TTC7A: variants seen among roughly 807,000 people sequenced by gnomAD.
The protein encoded by TTC7A is tetratricopeptide repeat domain 7A.
A neutral mutation model predicts 103.7 loss-of-function variants in TTC7A; 110 were observed. That is an observed-to-expected ratio of 1.06 (90% CI 0.91 to 1.24). The LOEUF (loss-of-function observed/expected upper bound fraction) is 1.24. Ranked by LOEUF, TTC7A falls within the 50% of genes most tolerant of loss-of-function variation. The pLI is 0.00. For synonymous variants in TTC7A, 521 were observed against 467.9 expected (o/e 1.11, Z -1.47); for missense variants, 1,340 against 1,116.3 (o/e 1.20, Z -2.86).
chr2:46,926,175 G>A (rs780503987), intron 2 of TTC7A, among the ~76,000 whole-genome samples: 28 of 152,224 alleles, frequency 1.8e-4, no homozygotes, highest in Non-Finnish European at 3.8e-4. Context: ...CAGAGCAGTT[G>A]TGAGTCGTGA....
intron 2 of TTC7A, 63 bp from the exon 3 acceptor site, chr2:46,956,776 T>TGGGG (rs1368765775): frequency 3.8e-6 from 6 of 1,588,558 alleles, no homozygotes; most frequent in Non-Finnish European, 5.2e-6. Context: ...CCAGGTTCAG[T>TGGGG]GGGGGTGTTC....
upstream of TTC7A, among the ~76,000 whole-genome samples, chr2:46,937,154 C>A (rs57491088): frequency 3.5e-3 from 532 of 152,216 alleles, 19 homozygotes; most frequent in East Asian, 0.085. This position sits in a 1 kb window ranked among gnomAD's most constrained non-coding sequence, Gnocchi z 4.0. Flanking sequence ...CCATGCCCAA[C>A]CCCAAAAATT....
intron 18 of TTC7A, among the ~76,000 whole-genome samples, chr2:47,055,839 G>A (rs572134066): frequency 7.2e-5 from 11 of 152,256 alleles, no homozygotes; most frequent in Admixed American, 2.0e-4. Context: ...GGTGGCCAGC[G>A]CTGTGGCTGA....
At position 47,073,714 on chromosome 2, in the gene TTC7A, A is replaced by T. The variant is rs1400399520; in HGVS notation, c.2368A>T (p.Ser790Cys). Reference protein sequence around the residue: ...RIMHSLGLMLSRLGHKSLAQK... With the variant: ...RIMHSLGLMLCRLGHKSLAQK... ...GCTTCGTCCACAGGGTCTGATGCTGAGTCGGCTGGGCCACAAGAGCTTGGC... is the reference window on the plus strand; with the variant it reads ...GCTTCGTCCACAGGGTCTGATGCTGTGTCGGCTGGGCCACAAGAGCTTGGC... The change falls in exon 20 of 20, where the codon AGT (serine) becomes TGT (cysteine). Residue 790 changes from serine to cysteine, a missense_variant. Ser to Cys is a moderately radical substitution (Grantham distance 112, BLOSUM62 -1). Transcript: ENST00000319190. The T allele has an allele frequency of 6.2e-7, 1 of 1,613,820 alleles. No homozygotes were observed.
intron 17 of TTC7A, chr2:47,050,317 G>T (rs757236947): frequency 2.6e-5 from 13 of 493,984 alleles, no homozygotes; most frequent in Non-Finnish European, 4.1e-5. Flanking sequence ...TGGCTGTGGA[G>T]CACAGAAACC....
At chr2:47,061,103 G>A (rs1237485913) in intron 19 of TTC7A, 132 bp downstream of exon 19, 5 of 962,462 alleles carry the variant, frequency 5.2e-6, no homozygotes, top group Admixed American at 5.4e-5. Flanking sequence ...TGGTGTCTAG[G>A]GGAGGGGGCT....
intron 2 of TTC7A, among the ~76,000 whole-genome samples, chr2:46,930,918 A>G (rs1572650013): frequency 1.3e-5 from 2 of 152,184 alleles, no homozygotes; most frequent in South Asian, 2.1e-4. Context: ...AAATATATAT[A>G]CCCTCTGATT....
Position 47,011,355 on chromosome 2 carries a change from C to T in TTC7A, c.1312C>T (p.Arg438Trp), listed in dbSNP as rs776638683. Residue 438 changes from arginine (R) to tryptophan (W), a missense_variant, in exon 11 of 20, where the codon CGG becomes TGG. Physicochemically the swap from Arg to Trp is moderately radical, Grantham distance 101. Transcript: ENST00000319190. Reference sequence around the variant, plus strand: ...GTCAGCCTACGCTGTGTCCCTGCTGCGGGAGTGTGTGAAGTTGCGGCCCTC... The same window carrying T: ...GTCAGCCTACGCTGTGTCCCTGCTGTGGGAGTGTGTGAAGTTGCGGCCCTC... ...GKSAYAVSLL[R>W]ECVKLRPSDP... 2.7e-5 allele frequency: 43 copies of T among 1,613,162 alleles called. No homozygotes were observed. Among genetic ancestry groups the T allele is most frequent in the South Asian group, 8.8e-5 (8 of 90,996 alleles).
In TTC7A at chr2:47,029,942, A is replaced by G. The variant is rs147155708; in HGVS notation, c.1802+558A>G. 6.0e-4 allele frequency among the ~76,000 whole-genome samples: 92 copies of G among 152,308 alleles called. 2 individuals carry two copies. The East Asian group carries it at 0.015, about 25-fold the overall frequency. ...CCTAAGTGGTGGTAGGACACAGAGG[A>G]CCTGCTGCCACCCAGCCAGGACACT... On this transcript the variant is annotated intron_variant, in intron 15 of 19. Coordinates refer to ENST00000319190, the MANE Select transcript of TTC7A (RefSeq NM_020458.4).
chr2:47,021,358 G>A (rs529043348), intron 11 of TTC7A, among the ~76,000 whole-genome samples: 43 of 152,324 alleles, frequency 2.8e-4, no homozygotes, highest in Admixed American at 2.0e-4. Context: ...TGACCCATAC[G>A]GGTTGGTCCA....
chr2:46,975,596 G>A (rs985278709), intron 4 of TTC7A, among the ~76,000 whole-genome samples: 3 of 151,950 alleles, frequency 2.0e-5, no homozygotes, highest in Non-Finnish European at 2.9e-5. Flanking sequence ...GGTGGGTCTG[G>A]GTTAACTGTC....
chr2:46,936,532 G>T (rs998897778), upstream of TTC7A, among the ~76,000 whole-genome samples: 1 of 152,166 alleles, frequency 6.6e-6, no homozygotes, highest in Admixed American at 6.6e-5. Flanking sequence ...GGGGTCCTGA[G>T]CCACAGGATA....
At chr2:46,987,056 C>T (rs943103752) in intron 5 of TTC7A, among the ~76,000 whole-genome samples, 3 of 152,198 alleles carry the variant, frequency 2.0e-5, no homozygotes, top group Non-Finnish European at 4.4e-5. Flanking sequence ...TGGCTGATGA[C>T]AGGGTTCCTA....
chr2:47,055,746 C>G (rs1170838463), intron 18 of TTC7A, among the ~76,000 whole-genome samples: 3 of 152,172 alleles, frequency 2.0e-5, no homozygotes. Flanking sequence ...GTGCCAGACT[C>G]CTGTGGTCTG....
chr2:47,007,951 C>T lies in TTC7A; in HGVS notation c.1287+1227C>T, dbSNP rs549671895. On this transcript the variant is annotated intron_variant, in intron 10 of 19. Coordinates refer to ENST00000319190, the MANE Select transcript of TTC7A (RefSeq NM_020458.4). The surrounding 1 kb of genome is among the most constrained non-coding windows in gnomAD (Gnocchi z 4.9). ...AGGGTTAGAGAGTGAGAGAAACCCTCCTACAGAACTGCAGGCAAAGGAGAC... is the reference window on the plus strand; with the variant it reads ...AGGGTTAGAGAGTGAGAGAAACCCTTCTACAGAACTGCAGGCAAAGGAGAC... 6.6e-6 allele frequency among the ~76,000 whole-genome samples: 1 copy of T among 152,344 alleles called. No homozygotes were observed. The highest frequency in any genetic ancestry group is 1.9e-4 in the East Asian group (1 of 5,184).
chr2:47,020,841 C>G (rs1679209592), intron 11 of TTC7A, among the ~76,000 whole-genome samples: 1 of 152,234 alleles, frequency 6.6e-6, no homozygotes, highest in Admixed American at 6.5e-5. Flanking sequence ...CTGCCCATCT[C>G]CTGCTAGCGG....
intron 3 of TTC7A, among the ~76,000 whole-genome samples, chr2:46,960,946 T>G (rs1172479140): frequency 6.6e-6 from 1 of 152,270 alleles, no homozygotes; most frequent in Non-Finnish European, 1.5e-5. Context: ...GCAGCCATTT[T>G]CTTGGCATTT....
intron 11 of TTC7A, among the ~76,000 whole-genome samples, chr2:47,016,971 G>A (rs1342792595): frequency 6.6e-6 from 1 of 152,018 alleles, no homozygotes; most frequent in African/African-American, 2.4e-5. Flanking sequence ...GGCCGAGGTG[G>A]GTGGATCACC....
chr2:47,028,659 G>A (rs148272604), intron 14 of TTC7A, among the ~76,000 whole-genome samples: 135 of 152,224 alleles, frequency 8.9e-4, no homozygotes, highest in African/African-American at 3.1e-3. Flanking sequence ...GCATAATCTG[G>A]CCTCATCCCA....
Sources: allele counts gnomAD v4.1 joint callset (sites outside exome capture counted in the v4.1 genomes callset), GRCh38; gene constraint gnomAD v4.1.1; non-coding constraint Gnocchi (gnomAD v3.1); transcripts MANE v1.5; gene names NCBI Gene and HGNC (gene_info 2026-07-23, HGNC 2026-07-21).